The following DYNC1I1 variants were observed in gnomAD, a reference collection of about 807,000 sequenced individuals.
DYNC1I1 encodes cytoplasmic dynein 1 intermediate chain 1.
DYNC1I1 carries 43 observed loss-of-function variants against 86.6 expected under a neutral mutation model. The observed-to-expected ratio is 0.50, with a 90% CI of 0.39 to 0.64. The LOEUF (loss-of-function observed/expected upper bound fraction) is 0.64, where lower values mean the gene tolerates loss of function less well. Ranked by LOEUF, DYNC1I1 falls within the 30% of genes least tolerant of loss-of-function variation. The pLI is 0.00. For synonymous variants in DYNC1I1, 262 were observed against 283.7 expected (o/e 0.92, Z 0.77); for missense variants, 604 against 788.8 (o/e 0.77, Z 2.81).
intron 15 of DYNC1I1, 74 bp downstream of exon 15, chr7:96,076,271 C>A: frequency 6.4e-7 from 1 of 1,566,160 alleles, no homozygotes. Flanking sequence ...GTCTCTCCCT[C>A]TTTCTCCAAA....
intron 6 of DYNC1I1, among the ~76,000 whole-genome samples, chr7:95,929,712 C>T (rs1242598299): frequency 6.6e-6 from 1 of 152,210 alleles, no homozygotes; most frequent in Non-Finnish European, 1.5e-5. Context: ...ACCACTACAT[C>T]ATAGATTAGT....
chr7:96,076,196 A>G lies in DYNC1I1; in HGVS notation c.1649A>G (p.Glu550Gly). 1 of 1,613,888 alleles carries G rather than the reference A, an allele frequency of 6.2e-7. No homozygotes were observed. The highest frequency in any genetic ancestry group is 8.5e-7 in the Non-Finnish European group (1 of 1,179,858). ...LDLWNLNNDTEVPTASVAIEG... is the reference protein window; with the variant it reads ...LDLWNLNNDTGVPTASVAIEG... ...CTCTGGAACCTCAACAATGACACCG[A>G]GGTGAGCGGCGGCTCAGGCGCCCGG... Residue 550 changes from glutamate (E) to glycine (G), a missense_variant and splice_region_variant, in exon 15 of 17, where the codon GAG becomes GGG. Coordinates refer to ENST00000447467, the MANE Select transcript of DYNC1I1 (RefSeq NM_001135556.2).
chr7:95,951,662 G>T (rs1456813965), intron 6 of DYNC1I1, among the ~76,000 whole-genome samples: 9 of 152,130 alleles, frequency 5.9e-5, no homozygotes, highest in Non-Finnish European at 1.0e-4. Context: ...TCATGAAATG[G>T]GAAAGAAACA....
intron 6 of DYNC1I1, among the ~76,000 whole-genome samples, chr7:95,962,418 T>C (rs932139609): frequency 2.6e-5 from 4 of 152,228 alleles, no homozygotes; most frequent in South Asian, 2.1e-4. Context: ...CTGTGGGTCT[T>C]TCTAGCCCTT....
At chr7:95,856,906 G>C (rs944779237) in intron 5 of DYNC1I1, among the ~76,000 whole-genome samples, 6 of 152,196 alleles carry the variant, frequency 3.9e-5, no homozygotes, top group East Asian at 1.9e-4. Flanking sequence ...TTGAATCCGG[G>C]GGGCAGAGGT....
intron 5 of DYNC1I1, among the ~76,000 whole-genome samples, chr7:95,856,523 G>A (rs1215042456): frequency 6.6e-6 from 1 of 151,994 alleles, no homozygotes; most frequent in Non-Finnish European, 1.5e-5. Flanking sequence ...AAATTTTTAT[G>A]GTTGCTGTTG....
chr7:95,934,305 G>A (rs1001773017), intron 6 of DYNC1I1, among the ~76,000 whole-genome samples: 1 of 152,146 alleles, frequency 6.6e-6, no homozygotes, highest in Non-Finnish European at 1.5e-5. Flanking sequence ...GGGGTCACAT[G>A]TTAAATTACA....
chr7:96,071,227 A>G (rs1300595824), intron 14 of DYNC1I1, among the ~76,000 whole-genome samples: 1 of 152,250 alleles, frequency 6.6e-6, no homozygotes, highest in Non-Finnish European at 1.5e-5. Context: ...TCCACAAAAC[A>G]TAAAGGAAGA....
intron 5 of DYNC1I1, among the ~76,000 whole-genome samples, chr7:95,829,018 C>T (rs1483776683): frequency 5.3e-5 from 8 of 152,084 alleles, no homozygotes; most frequent in Admixed American, 4.6e-4. Context: ...AAGCATTTAC[C>T]GACAGAGCAC....
At position 96,097,641 on chromosome 7, in the gene DYNC1I1, C is replaced by T; in HGVS notation, c.*48C>T. 1.9e-6 allele frequency: 3 copies of T among 1,609,324 alleles called. No homozygotes were observed. The highest frequency in any genetic ancestry group is 2.5e-6 in the Non-Finnish European group (3 of 1,177,432). On this transcript the variant is annotated 3_prime_UTR_variant, in exon 17 of 17. Coordinates refer to ENST00000447467, the MANE Select transcript of DYNC1I1 (RefSeq NM_001135556.2). The stretch of plus-strand genomic sequence containing the variant: ...CAGCCCCCACCTTTGTGTCCTAGAG[C>T]TCAGCGTCTGCAGTCAAGTCTCTTG...
chr7:95,911,539 A>T (rs1791335923), intron 6 of DYNC1I1, among the ~76,000 whole-genome samples: 1 of 152,200 alleles, frequency 6.6e-6, no homozygotes. Flanking sequence ...CTGATTGGAA[A>T]TGTGCCCATG....
rs1791419143 is a variant in DYNC1I1 at position 95,914,470 on chromosome 7, A to G, written c.490+44472A>G. On this transcript the variant is annotated intron_variant, in intron 6 of 16. Coordinates refer to ENST00000447467, the MANE Select transcript of DYNC1I1 (RefSeq NM_001135556.2). ...CATGTCTTTTTTTGATGCAGACAAA[A>G]TATTTTCACCCTTTAATAAAATTGG... Among the ~76,000 whole-genome samples, 5 of 152,346 alleles carry G rather than the reference A, an allele frequency of 3.3e-5. No homozygotes were observed. The South Asian group carries it at 1.0e-3, about 32-fold the overall frequency.
chr7:95,996,137 A>G (rs1793862409), intron 10 of DYNC1I1, 64 bp downstream of exon 10: 1 of 1,606,706 alleles, frequency 6.2e-7, no homozygotes, highest in African/African-American at 1.3e-5. Flanking sequence ...TTTGTGCTGC[A>G]TTGCATCTGT....
At chr7:95,941,782 C>T (rs1634043) in intron 6 of DYNC1I1, among the ~76,000 whole-genome samples, 98,161 of 152,062 alleles carry the variant, frequency 0.65, 33,303 homozygotes, top group East Asian at 0.86. Context: ...TGCCCTGCTT[C>T]GGCTCACACA....
chr7:96,040,020 G>T (rs931168137), intron 14 of DYNC1I1, among the ~76,000 whole-genome samples: 1 of 152,050 alleles, frequency 6.6e-6, no homozygotes, highest in African/African-American at 2.4e-5. Context: ...GATCGCTTGA[G>T]GTCAGGAGTT....
At chr7:95,865,662 CT>C (rs1418680537) in intron 5 of DYNC1I1, among the ~76,000 whole-genome samples, 2 of 152,188 alleles carry the variant, frequency 1.3e-5, no homozygotes, top group Non-Finnish European at 2.9e-5. Context: ...TGTATACTTA[CT>C]GTACCTTTTC....
At chr7:95,780,434 AT>A (rs34375387) in intron 1 of DYNC1I1, among the ~76,000 whole-genome samples, 11,914 of 129,694 alleles carry the variant, frequency 0.092, 649 homozygotes, top group East Asian at 0.19. Context: ...CACCCGGCTA[AT>A]TTTTTTTTTT....
At chr7:95,874,644 GA>G (rs398111607) in intron 6 of DYNC1I1, among the ~76,000 whole-genome samples, 2 of 21,656 alleles carry the variant, frequency 9.2e-5, no homozygotes, top group Non-Finnish European at 1.9e-4. Flanking sequence ...ATTAGAAAAA[GA>G]AGAGAGAGAG....
At chr7:96,083,781 A>G (rs1790593720) in intron 16 of DYNC1I1, among the ~76,000 whole-genome samples, 2 of 152,310 alleles carry the variant, frequency 1.3e-5, no homozygotes, top group African/African-American at 4.8e-5. Context: ...CACCACTACC[A>G]ATATTCAAAA....
Sources: allele counts gnomAD v4.1 joint callset (sites outside exome capture counted in the v4.1 genomes callset), GRCh38; gene constraint gnomAD v4.1.1; transcripts MANE v1.5; gene names NCBI Gene and HGNC (gene_info 2026-07-23, HGNC 2026-07-21).